DISC1: variants seen among roughly 807,000 people sequenced by gnomAD.
DISC1 encodes disrupted in schizophrenia 1 protein.
In DISC1, 57 loss-of-function variants were observed where a neutral mutation model predicts 84.5. The ratio of observed to expected loss-of-function variants is 0.67; its 90% CI spans 0.55 to 0.84. The LOEUF (loss-of-function observed/expected upper bound fraction) is 0.84. Ranked by LOEUF, DISC1 falls within the 40% of genes least tolerant of loss-of-function variation. DISC1 has a pLI of 0.00. For synonymous variants in DISC1, 411 were observed against 415.2 expected (o/e 0.99, Z 0.12); for missense variants, 1,000 against 1,057.8 (o/e 0.95, Z 0.76).
intron 4 of DISC1, among the ~76,000 whole-genome samples, chr1:231,765,596 T>C (rs1172283044): frequency 6.6e-6 from 1 of 152,188 alleles, no homozygotes; most frequent in Non-Finnish European, 1.5e-5. Context: ...GGGTAAATTG[T>C]TTTCCTGCCC....
chr1:231,874,468 A>G (rs912525005), intron 9 of DISC1, among the ~76,000 whole-genome samples: 4 of 151,948 alleles, frequency 2.6e-5, no homozygotes, highest in African/African-American at 7.3e-5. Context: ...CAATATTCTT[A>G]AATAGTGATG....
At chr1:231,801,193 G>A (rs760375377) in intron 8 of DISC1, among the ~76,000 whole-genome samples, 21 of 152,180 alleles carry the variant, frequency 1.4e-4, no homozygotes, top group Middle Eastern at 3.4e-3. Context: ...TTTACAACCA[G>A]TAGAACATGG....
intron 6 of DISC1, among the ~76,000 whole-genome samples, chr1:231,787,498 C>A (rs2077977909): frequency 6.6e-6 from 1 of 152,038 alleles, no homozygotes; most frequent in Middle Eastern, 3.2e-3. Flanking sequence ...CAACCTCACC[C>A]TTTTGTCAGG....
rs1209023064 is a variant in DISC1, at chr1:231,826,679, A to G, written c.1981+8162A>G. 3.3e-5 allele frequency among the ~76,000 whole-genome samples: 5 copies of G among 152,224 alleles called. No individual in the cohort carries two copies. The highest frequency in any genetic ancestry group is 7.2e-5 in the African/African-American group (3 of 41,464). The stretch of plus-strand genomic sequence containing the variant: ...ATCAGAGAGAAGTTGAACTATAGCA[A>G]TTTAATTGGATACATATTCATTGAC... On this transcript the variant is annotated intron_variant, in intron 9 of 12. Transcript: ENST00000439617. The surrounding 1 kb of genome is among the most constrained non-coding windows in gnomAD (Gnocchi z 4.2).
At chr1:231,724,038 C>G (rs2070266486) in intron 3 of DISC1, 1 of 984,230 alleles carries the variant, frequency 1.0e-6, no homozygotes, top group African/African-American at 1.7e-5. Flanking sequence ...TTGTTCTATT[C>G]TAGTTCATTA....
chr1:231,995,098 C>G (rs937795734), intron 10 of DISC1, among the ~76,000 whole-genome samples: 3 of 152,006 alleles, frequency 2.0e-5, no homozygotes, highest in African/African-American at 4.8e-5. Context: ...ATTACTTTTT[C>G]TTTCTTAGAA....
chr1:231,916,709 C>T (rs962100899), intron 9 of DISC1, among the ~76,000 whole-genome samples: 1 of 151,186 alleles, frequency 6.6e-6, no homozygotes, highest in Non-Finnish European at 1.5e-5. Context: ...TCTATTTAAT[C>T]CATTGCTCTT....
At chr1:231,946,091 A>G (rs567905290) in intron 9 of DISC1, among the ~76,000 whole-genome samples, 7 of 152,322 alleles carry the variant, frequency 4.6e-5, no homozygotes, top group Middle Eastern at 3.4e-3. Flanking sequence ...AAAAGAGGGA[A>G]TCCTCCCTAA....
rs375759194 is a variant in DISC1, at chr1:232,016,254, TG to T, written c.2307+7206del. 2.7e-4 allele frequency among the ~76,000 whole-genome samples: 41 copies of T among 152,370 alleles called. 1 individual carries two copies. The East Asian group carries it at 7.7e-3, about 29-fold the overall frequency. On this transcript the variant is annotated intron_variant, in intron 11 of 12. Transcript: ENST00000439617. ...GTGAACATGGATGGAGTTTGGGATT[TG>T]ATTCTGTCTTCATAGTTTCCCTTTA...
intron 1 of DISC1, among the ~76,000 whole-genome samples, chr1:231,666,948 A>G (rs2125420926): frequency 6.6e-6 from 1 of 152,220 alleles, no homozygotes; most frequent in African/African-American, 2.4e-5. Flanking sequence ...GCTTCCTGGA[A>G]TTTGTGTTTA....
chr1:231,883,355 A>T (rs564673403), intron 9 of DISC1, among the ~76,000 whole-genome samples: 1 of 152,284 alleles, frequency 6.6e-6, no homozygotes, highest in East Asian at 1.9e-4. Flanking sequence ...TGCCGTCGGG[A>T]GCTCACATTC....
chr1:231,846,901 G>A (rs1262320236), intron 9 of DISC1, among the ~76,000 whole-genome samples: 1 of 152,222 alleles, frequency 6.6e-6, no homozygotes, highest in Non-Finnish European at 1.5e-5. Context: ...GGACTTTTAA[G>A]TCCAGTTTAA....
rs770190113 is a variant in DISC1 at position 231,694,645 on chromosome 1, A to G, written c.887A>G (p.Asp296Gly). The part of the protein sequence containing the change: ...RPERDMHSLP[D>G]MDPGSSSSLD... ...GAGCGTGACATGCATTCTTTACCAG[A>G]CATGGACCCTGGCTCCTCCAGTTCT... Residue 296 changes from aspartate to glycine, a missense_variant, in exon 2 of 13, where the codon GAC (aspartate) becomes GGC (glycine). Coordinates refer to ENST00000439617, the MANE Select transcript of DISC1 (RefSeq NM_018662.3). The G allele has an allele frequency of 6.3e-5, 102 of 1,614,112 alleles. No homozygotes were observed. The highest frequency in any genetic ancestry group is 8.1e-5 in the Non-Finnish European group (96 of 1,180,046).
At chr1:231,800,004 C>G (rs2079097373) in intron 7 of DISC1, 104 bp from the exon 8 acceptor site, 6 of 735,620 alleles carry the variant, frequency 8.2e-6, no homozygotes, top group Non-Finnish European at 1.4e-5. Flanking sequence ...TTCATCACCC[C>G]TTTTAATTAC....
intron 9 of DISC1, among the ~76,000 whole-genome samples, chr1:231,861,849 C>T (rs1315686804): frequency 6.6e-6 from 1 of 152,144 alleles, no homozygotes; most frequent in Non-Finnish European, 1.5e-5. Flanking sequence ...TTAATGTTTG[C>T]TCACTCATCT....
chr1:231,727,459 G>A (rs967662307), intron 3 of DISC1, among the ~76,000 whole-genome samples: 6 of 152,028 alleles, frequency 3.9e-5, no homozygotes, highest in African/African-American at 1.4e-4. Flanking sequence ...GGGCAGGGAT[G>A]GACATTTTAC....
intron 9 of DISC1, among the ~76,000 whole-genome samples, chr1:231,853,379 C>T (rs1189526971): frequency 6.6e-6 from 1 of 152,200 alleles, no homozygotes; most frequent in East Asian, 1.9e-4. Flanking sequence ...CACACCCAGG[C>T]TACGTGGTGC....
Position 231,770,849 on chromosome 1 carries a change from T to G in DISC1, c.1413T>G (p.Ala471=). The G allele has an allele frequency of 6.2e-7, 1 of 1,614,046 alleles. No homozygotes were observed. The highest frequency in any genetic ancestry group is 8.5e-7 in the Non-Finnish European group (1 of 1,180,002). Residue 471 remains alanine (A), a synonymous_variant, in exon 6 of 13, where the codon GCT becomes GCG. Coordinates refer to ENST00000439617, the MANE Select transcript of DISC1 (RefSeq NM_018662.3). ...EKQQLQKEIE[A]LQARMFVLEA... is the part of the protein sequence containing the mutation. ...ATTCTCTACAGAAAGAAATCGAAGC[T>G]CTCCAAGCAAGGATGTTTGTGCTGG...
intron 5 of DISC1, among the ~76,000 whole-genome samples, chr1:231,768,543 C>A (rs935466060): frequency 3.4e-5 from 5 of 148,252 alleles, no homozygotes; most frequent in Non-Finnish European, 6.0e-5. Context: ...TACACAATTC[C>A]TGAGACAGTC....
Sources: gnomAD v4.1 joint callset for allele counts (sites outside exome capture counted in the v4.1 genomes callset) on GRCh38, gnomAD v4.1.1 for gene constraint, Gnocchi (gnomAD v3.1) non-coding constraint, MANE v1.5 for transcripts, NCBI Gene and HGNC (gene_info 2026-07-23, HGNC 2026-07-21) for gene names.